The following ZFTRAF1 variants were observed in gnomAD, a reference collection of about 807,000 sequenced individuals.
ZFTRAF1 encodes zinc finger TRAF-type-containing protein 1.
At chr8:144,450,358 C>T in the ZFTRAF1 span, 3 of 706,844 alleles carry the variant, frequency 4.2e-6, no homozygotes, top group East Asian at 2.7e-5. Flanking sequence ...GTGGGCTCCT[C>T]GGACATCCTG....
chr8:144,457,219 G>C, the ZFTRAF1 span: 5 of 152,262 alleles, frequency 3.3e-5, no homozygotes, highest in Admixed American at 3.3e-4. Context: ...ACATCACAGG[G>C]CCTCCTGGGC....
the ZFTRAF1 span, among the ~76,000 whole-genome samples, chr8:144,452,860 G>A: frequency 2.6e-5 from 4 of 152,216 alleles, no homozygotes; most frequent in Admixed American, 2.6e-4. Context: ...CAGCCTCACT[G>A]CAGGAGACTT....
chr8:144,460,785 A>T, the ZFTRAF1 span, among the ~76,000 whole-genome samples: 1 of 152,160 alleles, frequency 6.6e-6, no homozygotes, highest in Non-Finnish European at 1.5e-5. Flanking sequence ...CGGGAGGCTG[A>T]GGTAGGGAGA....
chr8:144,462,424 G>T, the ZFTRAF1 span: 2 of 326,630 alleles, frequency 6.1e-6, no homozygotes, highest in Non-Finnish European at 1.1e-5. Context: ...GCCGCTTCTT[G>T]GGCGGCGCGT....
chr8:144,462,366 C>T, the ZFTRAF1 span: 1 of 483,316 alleles, frequency 2.1e-6, no homozygotes. Flanking sequence ...TTCCCGCTGC[C>T]GGCCGCCGCC....
the ZFTRAF1 span, among the ~76,000 whole-genome samples, chr8:144,458,848 G>A: frequency 1.3e-5 from 2 of 152,238 alleles, no homozygotes; most frequent in African/African-American, 2.4e-5. Context: ...GGGAATGGCA[G>A]GGCACTGTGC....
the ZFTRAF1 span, chr8:144,457,242 G>C: frequency 1.3e-5 from 2 of 152,292 alleles, no homozygotes; most frequent in South Asian, 4.1e-4. Flanking sequence ...TCCTAGGGCA[G>C]ATGTGGGCTT....
the ZFTRAF1 span, chr8:144,455,368 A>G: frequency 6.6e-6 from 1 of 152,312 alleles, no homozygotes; most frequent in Non-Finnish European, 1.5e-5. Context: ...TGAGGCAGGG[A>G]GTGAGACTGG....
chr8:144,461,163 T>G, the ZFTRAF1 span, among the ~76,000 whole-genome samples: 1 of 152,108 alleles, frequency 6.6e-6, no homozygotes, highest in Non-Finnish European at 1.5e-5. Context: ...GATCCAGAGT[T>G]TGGAGAAATG....
chr8:144,453,646 C>T, the ZFTRAF1 span: 1 of 597,604 alleles, frequency 1.7e-6, no homozygotes, highest in Non-Finnish European at 3.0e-6. Context: ...GAGAAACAGG[C>T]AGAGCCAGCT....
chr8:144,460,606 A>C, the ZFTRAF1 span, among the ~76,000 whole-genome samples: 1 of 152,244 alleles, frequency 6.6e-6, no homozygotes, highest in African/African-American at 2.4e-5. Flanking sequence ...GTTCTGGCCA[A>C]GCGCAGTGGC....
chr8:144,452,319 C>G, the ZFTRAF1 span: 1 of 1,542,036 alleles, frequency 6.5e-7, no homozygotes, highest in Non-Finnish European at 8.7e-7. Context: ...CCCCCCAACC[C>G]ACACCTGTGT....
At chr8:144,461,872 A>T in the ZFTRAF1 span, among the ~76,000 whole-genome samples, 1 of 152,038 alleles carries the variant, frequency 6.6e-6, no homozygotes, top group Non-Finnish European at 1.5e-5. Flanking sequence ...CGAGCACAGG[A>T]CTCTGAGCCC....
the ZFTRAF1 span, among the ~76,000 whole-genome samples, chr8:144,461,922 G>C: frequency 2.6e-5 from 4 of 152,098 alleles, no homozygotes; most frequent in Non-Finnish European, 4.4e-5. Context: ...GAGCAGTTGC[G>C]GGCTAAGGAT....
At chr8:144,460,681 G>A in the ZFTRAF1 span, among the ~76,000 whole-genome samples, 2 of 152,210 alleles carry the variant, frequency 1.3e-5, no homozygotes, top group Non-Finnish European at 2.9e-5. Context: ...TCAGGAGTTC[G>A]AGACCAGCCT....
chr8:144,458,594 C>T, the ZFTRAF1 span, among the ~76,000 whole-genome samples: 2 of 152,012 alleles, frequency 1.3e-5, no homozygotes, highest in Admixed American at 1.3e-4. Context: ...GGAGCCATCT[C>T]TGCTTCCTGG....
chr8:144,453,451 C>A, the ZFTRAF1 span: 1 of 1,549,316 alleles, frequency 6.5e-7, no homozygotes, highest in South Asian at 1.2e-5. Flanking sequence ...ATCAAGTGAC[C>A]ATTAGTACAC....
the ZFTRAF1 span, among the ~76,000 whole-genome samples, chr8:144,458,934 G>A: frequency 2.0e-5 from 3 of 152,228 alleles, no homozygotes; most frequent in Admixed American, 1.3e-4. Flanking sequence ...GAGTGAGCCC[G>A]TTTTTGCCTT....
chr8:144,458,658 G>A, the ZFTRAF1 span, among the ~76,000 whole-genome samples: 6 of 152,304 alleles, frequency 3.9e-5, no homozygotes, highest in South Asian at 2.1e-4. Context: ...CGCTACAGGC[G>A]GGAGGGCCAC....
Sources: allele counts gnomAD v4.1 joint callset (sites outside exome capture counted in the v4.1 genomes callset), GRCh38; gene constraint gnomAD v4.1.1; transcripts MANE v1.5; gene names NCBI Gene and HGNC (gene_info 2026-07-23, HGNC 2026-07-21).